ENG: variants seen among roughly 807,000 people sequenced by gnomAD.
The protein encoded by ENG is endoglin, also known as CD105 antigen.
A neutral mutation model predicts 71.0 loss-of-function variants in ENG; 17 were observed. The ratio of observed to expected loss-of-function variants is 0.24; its 90% confidence interval spans 0.16 to 0.36. The LOEUF (loss-of-function observed/expected upper bound fraction) is 0.36. Ranked by LOEUF, ENG falls within the 10% of genes least tolerant of loss-of-function variation. ENG has a pLI of 1.00. For synonymous variants in ENG, 360 were observed against 366.9 expected (o/e 0.98, Z 0.21); for missense variants, 749 against 868.3 (o/e 0.86, Z 1.73).
chr9:127,851,019 T>C (rs968546346), intron 1 of ENG, among the ~76,000 whole-genome samples: 2 of 151,932 alleles, frequency 1.3e-5, no homozygotes, highest in African/African-American at 4.8e-5. Flanking sequence ...ACTCCCAAAA[T>C]GTGGACCCAT....
At position 127,818,728 on chromosome 9, in the gene ENG, C is replaced by T; in HGVS notation, c.1416G>A (p.Gln472=). Residue 472 remains glutamine (Q), a synonymous_variant, in exon 11 of 15, where the codon CAG becomes CAA. Coordinates refer to ENST00000373203, the MANE Select transcript of ENG (RefSeq NM_001114753.3). ...GCATGCCAGGTACCTGCACAAAGCT[C>T]TGCTGCCCCGGCTCGATGGTGTTGG... is the stretch of plus-strand genomic sequence containing the variant. ...QASNTIEPGQ[Q]SFVQVRVSPS... 6.2e-7 allele frequency: 1 copy of T among 1,614,138 alleles called. No homozygotes were observed. Among genetic ancestry groups the T allele is most frequent in the South Asian group, 1.1e-5 (1 of 91,074 alleles).
At chr9:127,839,506 C>T (rs929270473) in intron 2 of ENG, among the ~76,000 whole-genome samples, 1 of 152,176 alleles carries the variant, frequency 6.6e-6, no homozygotes, top group Non-Finnish European at 1.5e-5. Flanking sequence ...TGGACCTCAG[C>T]TTGCCCTGCT....
chr9:127,841,581 G>A (rs539713327), intron 2 of ENG, among the ~76,000 whole-genome samples: 18 of 152,326 alleles, frequency 1.2e-4, no homozygotes, highest in South Asian at 8.3e-4. Context: ...CACAGTCCTC[G>A]TAGAGGGCAG....
chr9:127,826,899 G>T (rs906831041), intron 3 of ENG: 59 of 560,982 alleles, frequency 1.1e-4, no homozygotes, highest in Non-Finnish European at 1.6e-4. Flanking sequence ...ACACCACCTT[G>T]TTCATCCACC....
chr9:127,827,547 A>G (rs1830650924), intron 3 of ENG, among the ~76,000 whole-genome samples: 1 of 152,226 alleles, frequency 6.6e-6, no homozygotes, highest in Non-Finnish European at 1.5e-5. Flanking sequence ...TGTTGGGGCC[A>G]CTGACTGAGC....
At chr9:127,852,547 CAGG>C (rs1486648521) in intron 1 of ENG, among the ~76,000 whole-genome samples, 1 of 152,184 alleles carries the variant, frequency 6.6e-6, no homozygotes, top group Non-Finnish European at 1.5e-5. Flanking sequence ...GATACGTTTC[CAGG>C]AGTTTTTCCA....
At chr9:127,845,741 C>A (rs1182489372) in intron 1 of ENG, among the ~76,000 whole-genome samples, 1 of 152,250 alleles carries the variant, frequency 6.6e-6, no homozygotes, top group African/African-American at 2.4e-5. Context: ...AGGTTGCCCT[C>A]TGTCTCCTGG....
chr9:127,815,440 TG>T lies in ENG; in HGVS notation c.*241del. ...ACAGCGTGGCAAGTGGTCTGTCTCC[TG>T]GGCAGCCATATCCCAGACCCACTGG... On this transcript the variant is annotated 3_prime_UTR_variant, in exon 15 of 15. Coordinates refer to ENST00000373203, the MANE Select transcript of ENG (RefSeq NM_001114753.3). The T allele has an allele frequency of 1.5e-6, 1 of 682,902 alleles. No homozygotes were observed. The highest frequency in any genetic ancestry group is 2.3e-6 in the Non-Finnish European group (1 of 428,652). The allele number at this position is 682,902 out of a possible 1,614,324, so 42.3% of individuals were successfully genotyped here.
chr9:127,821,669 A>T (rs1011388656), intron 8 of ENG, among the ~76,000 whole-genome samples: 3 of 151,828 alleles, frequency 2.0e-5, no homozygotes, highest in Admixed American at 6.6e-5. Flanking sequence ...CAAGGTCAGG[A>T]GTTCGAGACC....
intron 1 of ENG, among the ~76,000 whole-genome samples, chr9:127,852,603 A>T (rs1829055251): frequency 6.6e-6 from 1 of 152,074 alleles, no homozygotes; most frequent in Non-Finnish European, 1.5e-5. Context: ...TTAAAAGGTC[A>T]TGAATGTCCA....
At chr9:127,825,992 G>C (rs1830607171) in intron 4 of ENG, 132 bp from the exon 5 acceptor site, 1 of 1,249,200 alleles carries the variant, frequency 8.0e-7, no homozygotes, top group Admixed American at 2.1e-5. Context: ...GGCGTCAGAG[G>C]ACCTAGGTTC....
Position 127,818,257 on chromosome 9 carries a change from C to G in ENG, c.1549G>C (p.Val517Leu), listed in dbSNP as rs1830381971. The change falls in exon 12 of 15, where the codon GTG becomes CTG. Residue 517 changes from valine (V) to leucine (L), a missense_variant. By Grantham distance (32) the Val-to-Leu change is conservative (BLOSUM62 1). Coordinates refer to ENST00000373203, the MANE Select transcript of ENG (RefSeq NM_001114753.3). ...IQGRAAKGNC[V>L]SLLSPSPEGD... ...TCGGGGCTTGGGGACAGCAGGCTCA[C>G]ACAGTTGCCCTTGGCCGCCCGGCCC... The G allele has an allele frequency of 6.2e-7, 1 of 1,614,200 alleles. No individual in the cohort carries two copies. The highest frequency in any genetic ancestry group is 2.2e-5 in the East Asian group (1 of 44,874).
intron 2 of ENG, among the ~76,000 whole-genome samples, chr9:127,833,435 C>T (rs1248631342): frequency 2.0e-5 from 3 of 147,922 alleles, no homozygotes; most frequent in Non-Finnish European, 1.5e-5. Context: ...GCAGGAGAAT[C>T]GCTTGAACCC....
chr9:127,835,085 G>A (rs1211461573), intron 2 of ENG, among the ~76,000 whole-genome samples: 4 of 151,722 alleles, frequency 2.6e-5, no homozygotes, highest in South Asian at 2.1e-4. Flanking sequence ...TGCAACTTCC[G>A]CCCCTCAGGC....
intron 4 of ENG, 75 bp downstream of exon 4, chr9:127,826,435 G>C: frequency 6.3e-7 from 1 of 1,584,422 alleles, no homozygotes; most frequent in Non-Finnish European, 8.6e-7. Context: ...GCCCAAGTTT[G>C]AGGTGTGGGC....
intron 12 of ENG, 181 bp from the exon 13 acceptor site, chr9:127,817,384 G>A: frequency 1.5e-6 from 1 of 683,284 alleles, no homozygotes; most frequent in Non-Finnish European, 2.6e-6. Context: ...GGTGCCTAGT[G>A]GACGATCCCT....
At chr9:127,831,677 G>T (rs1168565714) in intron 2 of ENG, among the ~76,000 whole-genome samples, 2 of 149,414 alleles carry the variant, frequency 1.3e-5, no homozygotes, top group East Asian at 4.0e-4. Context: ...GAACCACCCT[G>T]CCTGGCCTTT....
intron 8 of ENG, among the ~76,000 whole-genome samples, chr9:127,821,652 C>T (rs191699440): frequency 7.3e-5 from 11 of 151,284 alleles, no homozygotes; most frequent in East Asian, 1.9e-4. Context: ...CCGAGGTGGG[C>T]GGATCACAAG....
chr9:127,838,166 C>T lies in ENG; in HGVS notation c.219+4928G>A, dbSNP rs778104852. The stretch of plus-strand genomic sequence containing the variant: ...GGGGAGCTCACATAGCCATGCAGTG[C>T]TCCCCTGGAGGATGGAACAGGAAAG... On this transcript the variant is annotated intron_variant, in intron 2 of 14. Transcript: ENST00000373203. The surrounding 1 kb of genome is among the most constrained non-coding windows in gnomAD (Gnocchi z 4.3). 8.6e-5 allele frequency among the ~76,000 whole-genome samples: 13 copies of T among 152,018 alleles called. No individual in the cohort carries two copies. The highest frequency in any genetic ancestry group is 5.9e-4 in the Admixed American group (9 of 15,256).
Sources: gnomAD v4.1 joint callset for allele counts (sites outside exome capture counted in the v4.1 genomes callset) on GRCh38, gnomAD v4.1.1 for gene constraint, Gnocchi (gnomAD v3.1) non-coding constraint, MANE v1.5 for transcripts, NCBI Gene and HGNC (gene_info 2026-07-23, HGNC 2026-07-21) for gene names.